The following C10orf143 variants were observed in gnomAD, a reference collection of about 807,000 sequenced individuals.
C10orf143 encodes the protein chromosome 10 open reading frame 143.
At chr10:130,080,786 A>C (rs569168851) in intron 1 of C10orf143, among the ~76,000 whole-genome samples, 13 of 152,084 alleles carry the variant, frequency 8.5e-5, no homozygotes, top group South Asian at 4.2e-4. Context: ...ATATATTATT[A>C]ATGGACTTTT....
intron 1 of C10orf143, chr10:130,108,005 C>T (rs1409069940): frequency 1.3e-6 from 2 of 1,526,982 alleles, no homozygotes; most frequent in Non-Finnish European, 1.8e-6. Flanking sequence ...TGGGTCAATG[C>T]CTTCAGAAAT....
chr10:130,082,499 G>A (rs72843897), intron 1 of C10orf143, among the ~76,000 whole-genome samples: 23,457 of 151,746 alleles, frequency 0.15, 2,420 homozygotes, highest in Non-Finnish European at 0.22. Context: ...TCATGGGGGC[G>A]GTTCCCCTAC....
Position 130,101,588 on chromosome 10 carries a change from C to T in C10orf143, c.69+9116G>A, listed in dbSNP as rs148799898. ...AGGATAAAATTAAGATTTTTTTGACCGGGCATGGTTGCTCATACCTGTAAT... is the reference window on the plus strand; with the variant it reads ...AGGATAAAATTAAGATTTTTTTGACTGGGCATGGTTGCTCATACCTGTAAT... On this transcript the variant is annotated intron_variant, in intron 1 of 3. Coordinates refer to ENST00000637128, the MANE Select transcript of C10orf143 (RefSeq NM_001355042.2). Among the ~76,000 whole-genome samples the T allele has an allele frequency of 3.1e-3, 470 of 151,700 alleles. 1 individual carries two copies. Among genetic ancestry groups the T allele is most frequent in the African/African-American group, 0.011 (438 of 41,380 alleles).
rs1860924163 is a variant in C10orf143 at position 130,065,909 on chromosome 10, G to A, written c.298-1526C>T. 6.6e-6 allele frequency: 1 copy of A among 152,224 alleles called. No individual in the cohort carries two copies. The allele number at this position is 152,224 out of a possible 1,614,324, so 9.4% of individuals were successfully genotyped here. The stretch of plus-strand genomic sequence containing the variant: ...GAGGCTCACTTGGAGGTGCCGTGGG[G>A]TGCGCAGACCCAGGAGGCAGCAGGC... On this transcript the variant is annotated intron_variant, in intron 3 of 3. Transcript: ENST00000637128. The surrounding 1 kb of genome is among the most constrained non-coding windows in gnomAD (Gnocchi z 4.2).
chr10:130,054,707 G>A (rs1234869998), intron 3 of C10orf143, among the ~76,000 whole-genome samples: 3 of 152,198 alleles, frequency 2.0e-5, no homozygotes, highest in Non-Finnish European at 2.9e-5. Context: ...AAATGGGTGT[G>A]AGGTGGTATC....
At chr10:130,080,906 G>A (rs1861196830) in intron 1 of C10orf143, among the ~76,000 whole-genome samples, 1 of 152,184 alleles carries the variant, frequency 6.6e-6, no homozygotes, top group African/African-American at 2.4e-5. Context: ...TTACTGTATA[G>A]TTCATTATCA....
At chr10:130,078,206 T>G (rs1057504412) in intron 3 of C10orf143, among the ~76,000 whole-genome samples, 2 of 152,142 alleles carry the variant, frequency 1.3e-5, no homozygotes, top group African/African-American at 4.8e-5. Context: ...GAACTAAATT[T>G]TTTTTTTCTT....
At chr10:130,053,028 G>C (rs917621468) in intron 3 of C10orf143, among the ~76,000 whole-genome samples, 6 of 150,874 alleles carry the variant, frequency 4.0e-5, no homozygotes, top group African/African-American at 1.5e-4. Flanking sequence ...AAAATGTTGA[G>C]TTTTGTTACG....
At chr10:130,082,030 G>T (rs1861217725) in intron 1 of C10orf143, among the ~76,000 whole-genome samples, 1 of 151,740 alleles carries the variant, frequency 6.6e-6, no homozygotes, top group Non-Finnish European at 1.5e-5. Flanking sequence ...ACAAACCATA[G>T]ACACTCCATA....
chr10:130,055,893 CTG>C (rs1448004789), intron 3 of C10orf143, among the ~76,000 whole-genome samples: 2 of 132,696 alleles, frequency 1.5e-5, no homozygotes, highest in Non-Finnish European at 1.5e-5. Flanking sequence ...TTGCAGTGAG[CTG>C]AGATCGCATC....
At chr10:130,072,028 G>C (rs750643142) in intron 3 of C10orf143, among the ~76,000 whole-genome samples, 1 of 150,962 alleles carries the variant, frequency 6.6e-6, no homozygotes, top group Non-Finnish European at 1.5e-5. Context: ...TTGATTTTGT[G>C]TGAGGCAGAG....
intron 3 of C10orf143, among the ~76,000 whole-genome samples, chr10:130,069,846 T>G (rs1319882279): frequency 7.8e-6 from 1 of 128,434 alleles, no homozygotes; most frequent in Non-Finnish European, 1.8e-5. Flanking sequence ...CCAATTCTTA[T>G]GTCCATTGTT....
chr10:130,052,421 G>A (rs1364908399), intron 3 of C10orf143, among the ~76,000 whole-genome samples: 1 of 152,094 alleles, frequency 6.6e-6, no homozygotes, highest in Non-Finnish European at 1.5e-5. Context: ...GGAGCCGGGA[G>A]CACCAAGCAC....
At chr10:130,107,695 A>T (rs1271633836) in intron 1 of C10orf143, 3 of 1,269,696 alleles carry the variant, frequency 2.4e-6, no homozygotes, top group Non-Finnish European at 3.4e-6. Flanking sequence ...CTTTGCCTCC[A>T]GGGGGGGAAG....
At chr10:130,060,696 C>T (rs1590011635), downstream of C10orf143, among the ~76,000 whole-genome samples, 1 of 151,912 alleles carries the variant, frequency 6.6e-6, no homozygotes, top group South Asian at 2.1e-4. Flanking sequence ...TGGTAGCGGG[C>T]ACCTGCAGTC....
chr10:130,085,478 A>G (rs1288905048), intron 1 of C10orf143, among the ~76,000 whole-genome samples: 1 of 152,198 alleles, frequency 6.6e-6, no homozygotes, highest in South Asian at 2.1e-4. Context: ...AATAATCACT[A>G]AGTGTCGAGG....
intron 1 of C10orf143, chr10:130,107,025 TAGA>T (rs1485467579): frequency 4.0e-6 from 5 of 1,244,706 alleles, no homozygotes; most frequent in African/African-American, 1.5e-5. Context: ...TTAAAAACCT[TAGA>T]AGGAGAAAGA....
At position 130,068,938 on chromosome 10, in the gene C10orf143, G is replaced by A. The variant is rs781364496; in HGVS notation, c.298-4555C>T. On this transcript the variant is annotated intron_variant, in intron 3 of 3. Coordinates refer to ENST00000637128, the MANE Select transcript of C10orf143 (RefSeq NM_001355042.2). Reference sequence around the variant, plus strand: ...CAGGTGTCCCAACACACCTCTAAGCGGGAGTCTCAGAGGAAAAGGACACAG... The same window carrying A: ...CAGGTGTCCCAACACACCTCTAAGCAGGAGTCTCAGAGGAAAAGGACACAG... Among the ~76,000 whole-genome samples the A allele has an allele frequency of 3.9e-5, 6 of 152,176 alleles. No individual in the cohort carries two copies. In the East Asian group the frequency reaches 9.7e-4, roughly 25 times the overall value.
chr10:130,085,831 TAAACC>T (rs1163682465), intron 1 of C10orf143, among the ~76,000 whole-genome samples: 1 of 152,168 alleles, frequency 6.6e-6, no homozygotes, highest in Admixed American at 6.5e-5. Flanking sequence ...AATACTGATC[TAAACC>T]AAATTGCCTT....
Sources: gnomAD v4.1 joint callset for allele counts (sites outside exome capture counted in the v4.1 genomes callset) on GRCh38, gnomAD v4.1.1 for gene constraint, Gnocchi (gnomAD v3.1) non-coding constraint, MANE v1.5 for transcripts, NCBI Gene and HGNC (gene_info 2026-07-23, HGNC 2026-07-21) for gene names.